SORCS2: variants seen among roughly 807,000 people sequenced by gnomAD.
The protein encoded by SORCS2 is sortilin related VPS10 domain containing receptor 2.
SORCS2 carries 100 observed loss-of-function variants against 141.6 expected under a neutral mutation model. The ratio of observed to expected loss-of-function variants is 0.71; its 90% CI spans 0.60 to 0.83. SORCS2 has a LOEUF of 0.83. Among genes scored for constraint, SORCS2 ranks in the 40% least tolerant of loss-of-function variants. SORCS2 has a pLI of 0.00. For synonymous variants in SORCS2, 789 were observed against 676.9 expected (o/e 1.17, Z -2.57); for missense variants, 1,646 against 1,560.2 (o/e 1.05, Z -0.93).
At chr4:7,701,246 A>G (rs1725061182) in intron 12 of SORCS2, among the ~76,000 whole-genome samples, 2 of 147,220 alleles carry the variant, frequency 1.4e-5, no homozygotes, top group African/African-American at 5.0e-5. Flanking sequence ...AGAAAAAAGG[A>G]GAGAGGAGGG....
intron 1 of SORCS2, among the ~76,000 whole-genome samples, chr4:7,383,024 A>AT (rs1473657537): frequency 1.3e-5 from 2 of 152,116 alleles, no homozygotes; most frequent in East Asian, 3.8e-4. Context: ...ACCTTCTGAT[A>AT]TTTTTTAATG....
chr4:7,307,389 C>G (rs1717901477), intron 1 of SORCS2, among the ~76,000 whole-genome samples: 1 of 152,258 alleles, frequency 6.6e-6, no homozygotes, highest in Admixed American at 6.5e-5. Flanking sequence ...GTACAGAGTC[C>G]TGTCCCTTTT....
intron 1 of SORCS2, among the ~76,000 whole-genome samples, chr4:7,315,204 G>T (rs1419168745): frequency 6.6e-6 from 1 of 152,132 alleles, no homozygotes; most frequent in African/African-American, 2.4e-5. Context: ...GCCTCCCCAG[G>T]CTCCAAACCA....
intron 1 of SORCS2, among the ~76,000 whole-genome samples, chr4:7,379,520 G>A (rs1197618873): frequency 1.3e-5 from 2 of 152,232 alleles, no homozygotes; most frequent in East Asian, 3.8e-4. Context: ...GTATGGCTGA[G>A]GCTTTCCCGT....
chr4:7,221,410 G>C (rs145527469), intron 1 of SORCS2, among the ~76,000 whole-genome samples: 105 of 152,200 alleles, frequency 6.9e-4, no homozygotes, highest in African/African-American at 2.3e-3. Flanking sequence ...TTTTCAGGCT[G>C]CGTGACCAGC....
chr4:7,664,609 G>A lies in SORCS2; in HGVS notation c.1071+138G>A, dbSNP rs1382652721. ...TCTCAAATGCTACTTCGCAGGTCAC[G>A]GTTTCTGACCGTGGCTGTGGCTGCA... On this transcript the variant is annotated intron_variant, in intron 7 of 26. Transcript: ENST00000507866. The surrounding 1 kb of genome is among the most constrained non-coding windows in gnomAD (Gnocchi z 4.7). The A allele has an allele frequency of 2.6e-5, 17 of 647,032 alleles. No individual in the cohort carries two copies. The highest frequency in any genetic ancestry group is 3.2e-5 in the Non-Finnish European group (12 of 376,548). The allele number at this position is 647,032 out of a possible 1,614,324, so 40.1% of individuals were successfully genotyped here.
chr4:7,288,803 T>C (rs1318295289), intron 1 of SORCS2, among the ~76,000 whole-genome samples: 5 of 92,656 alleles, frequency 5.4e-5, no homozygotes, highest in African/African-American at 2.0e-4. Flanking sequence ...GGGGGGGGAG[T>C]TGGGGAGGGC....
intron 2 of SORCS2, chr4:7,434,074 A>G: frequency 1.2e-6 from 2 of 1,611,646 alleles, no homozygotes; most frequent in Non-Finnish European, 1.7e-6. Context: ...GACCCCGTCC[A>G]TGGCCACTAC....
At chr4:7,699,610 G>A (rs1361299038) in intron 12 of SORCS2, among the ~76,000 whole-genome samples, 5 of 152,138 alleles carry the variant, frequency 3.3e-5, no homozygotes, top group African/African-American at 4.8e-5. Flanking sequence ...CAAAGCAGTC[G>A]TTTAGGCTCC....
At chr4:7,387,430 CAT>C (rs1227078955) in intron 1 of SORCS2, among the ~76,000 whole-genome samples, 13 of 84,702 alleles carry the variant, frequency 1.5e-4, no homozygotes, top group Non-Finnish European at 2.8e-4. Context: ...TGCACACACA[CAT>C]AGGTACATGC....
At chr4:7,373,006 G>GTTT (rs56090778) in intron 1 of SORCS2, among the ~76,000 whole-genome samples, 52,106 of 137,882 alleles carry the variant, frequency 0.38, 10,511 homozygotes, top group Non-Finnish European at 0.45. Context: ...GGTGGTTTCT[G>GTTT]TTTTTTTTTT....
chr4:7,277,869 A>AGCCTCCTGATGGAG (rs1715609061), intron 1 of SORCS2, among the ~76,000 whole-genome samples: 1 of 152,144 alleles, frequency 6.6e-6, no homozygotes, highest in Admixed American at 6.5e-5. Context: ...AGGAGTGCCT[A>AGCCTCCTGATGGAG]GCAGGAGATT....
At chr4:7,292,182 C>A (rs192248749) in intron 1 of SORCS2, among the ~76,000 whole-genome samples, 20 of 151,664 alleles carry the variant, frequency 1.3e-4, no homozygotes, top group South Asian at 8.4e-4. Flanking sequence ...AGGCTCCCCC[C>A]ACCATTGACA....
intron 1 of SORCS2, among the ~76,000 whole-genome samples, chr4:7,371,459 G>A (rs1272661502): frequency 1.3e-5 from 2 of 152,152 alleles, no homozygotes; most frequent in African/African-American, 4.8e-5. Context: ...CTCACGCTCC[G>A]CCTTGCTCTG....
chr4:7,610,509 G>A (rs1168500933), intron 3 of SORCS2, among the ~76,000 whole-genome samples: 5 of 152,156 alleles, frequency 3.3e-5, no homozygotes, highest in South Asian at 2.1e-4. Flanking sequence ...ACACCGGGCC[G>A]GGGACGCAGA....
At chr4:7,721,867 C>T (rs1326858290) in intron 18 of SORCS2, among the ~76,000 whole-genome samples, 1 of 152,138 alleles carries the variant, frequency 6.6e-6, no homozygotes, top group African/African-American at 2.4e-5. Context: ...ACATAGGAGC[C>T]TACCATTATC....
Position 7,338,301 on chromosome 4 carries a change from T to C in SORCS2, c.481-57987T>C, listed in dbSNP as rs190184016. On this transcript the variant is annotated intron_variant, in intron 1 of 26. Coordinates refer to ENST00000507866, the MANE Select transcript of SORCS2 (RefSeq NM_020777.3). ...TTGGATGGAAGGATGGATGGATGGA[T>C]GGATGGATGGATGTCGGTTGGATGG... Among the ~76,000 whole-genome samples the C allele has an allele frequency of 2.8e-4, 41 of 146,638 alleles. No homozygotes were observed. The East Asian group carries it at 5.8e-3, about 21-fold the overall frequency.
chr4:7,401,109 A>G (rs1221228746), intron 2 of SORCS2, among the ~76,000 whole-genome samples: 1 of 150,756 alleles, frequency 6.6e-6, no homozygotes, highest in Non-Finnish European at 1.5e-5. Flanking sequence ...ATGGATGGAT[A>G]GATGGGTGGA....
At chr4:7,528,704 C>T (rs549325445) in intron 2 of SORCS2, among the ~76,000 whole-genome samples, 1 of 152,182 alleles carries the variant, frequency 6.6e-6, no homozygotes, top group African/African-American at 2.4e-5. Context: ...CATGAGGCGC[C>T]GTGCCTGGCC....
Sources: allele counts gnomAD v4.1 joint callset (sites outside exome capture counted in the v4.1 genomes callset), GRCh38; gene constraint gnomAD v4.1.1; non-coding constraint Gnocchi (gnomAD v3.1); transcripts MANE v1.5; gene names NCBI Gene and HGNC (gene_info 2026-07-23, HGNC 2026-07-21).